The following MON2 variants were observed in gnomAD, a reference collection of about 807,000 sequenced individuals.
The protein encoded by MON2 is MON2 regulator of endosome-to-Golgi trafficking.
In MON2, 84 loss-of-function variants were observed where a neutral mutation model predicts 208.6. The ratio of observed to expected loss-of-function variants is 0.40; its 90% confidence interval spans 0.34 to 0.48. MON2 has a LOEUF of 0.48. MON2 is among the 20% of genes least tolerant of loss of function. The pLI is 0.59. For synonymous variants in MON2, 660 were observed against 694.0 expected (o/e 0.95, Z 0.77); for missense variants, 1,611 against 2,015.4 (o/e 0.80, Z 3.84).
chr12:62,546,967 A>G lies in MON2; in HGVS notation c.2648A>G (p.Lys883Arg), dbSNP rs775760874. Residue 883 changes from lysine to arginine, a missense_variant, in exon 22 of 35, where the codon AAG becomes AGG. Transcript: ENST00000393630. ...ATTAATCATCCAGATATTCGACTCA[A>G]GCAGTTAGAATGCGTGTTGCAGATT... is the stretch of plus-strand genomic sequence containing the variant. ...SNINHPDIRL[K>R]QLECVLQILQ... The G allele has an allele frequency of 7.4e-6, 12 of 1,613,278 alleles. No homozygotes were observed. Among genetic ancestry groups the G allele is most frequent in the Non-Finnish European group, 1.0e-5 (12 of 1,179,528 alleles).
chr12:62,481,493 G>T (rs918733359), intron 1 of MON2, among the ~76,000 whole-genome samples: 1 of 133,368 alleles, frequency 7.5e-6, no homozygotes, highest in Admixed American at 8.7e-5. Flanking sequence ...GCCAGCCTGG[G>T]CAACAGAGCG....
rs2073042457 is a variant in MON2, at chr12:62,537,697, A to C, written c.2109A>C (p.Ala703=). ...VLGTSWQLVL[A]TLQHLVWILG... is the part of the protein sequence containing the mutation. ...GAACATCATGGCAACTTGTCTTGGC[A>C]ACTCTTCAGGTATGTAAAAGTGTCT... Residue 703 remains alanine (A), a synonymous_variant, in exon 16 of 35, where the codon GCA becomes GCC. Transcript: ENST00000393630. The C allele has an allele frequency of 6.2e-7, 1 of 1,611,510 alleles. No individual in the cohort carries two copies. Among genetic ancestry groups the C allele is most frequent in the Middle Eastern group, 1.7e-4 (1 of 6,054 alleles).
At chr12:62,499,134 A>G (rs1199781284) in intron 5 of MON2, 86 bp downstream of exon 5, 4 of 1,363,672 alleles carry the variant, frequency 2.9e-6, no homozygotes, top group Non-Finnish European at 4.0e-6. Flanking sequence ...TCAGATGATC[A>G]ACATTATTAT....
chr12:62,592,137 T>A (rs1458200096), intron 34 of MON2, among the ~76,000 whole-genome samples: 2 of 152,206 alleles, frequency 1.3e-5, no homozygotes, highest in Non-Finnish European at 2.9e-5. Context: ...TTAAAAGGAA[T>A]ATCAAGGATA....
chr12:62,558,895 A>G lies in MON2; in HGVS notation c.3410-1596A>G, dbSNP rs566644057. On this transcript the variant is annotated intron_variant, in intron 25 of 34. Transcript: ENST00000393630. Reference sequence around the variant, plus strand: ...GTATTTTTAGTCGAGACAGGGTTTCATCATGTTGGCCAGGCTGGTCCCGAA... The same window carrying G: ...GTATTTTTAGTCGAGACAGGGTTTCGTCATGTTGGCCAGGCTGGTCCCGAA... Among the ~76,000 whole-genome samples the G allele has an allele frequency of 3.3e-5, 5 of 152,144 alleles. No homozygotes were observed. In the South Asian group the frequency reaches 1.0e-3, roughly 32 times the overall value.
intron 19 of MON2, among the ~76,000 whole-genome samples, chr12:62,542,119 AAT>A (rs908227339): frequency 5.9e-5 from 9 of 152,246 alleles, no homozygotes; most frequent in African/African-American, 2.2e-4. Flanking sequence ...TAGAATCATG[AAT>A]TTTCCTACCA....
chr12:62,570,722 C>CTTT lies in MON2; in HGVS notation c.4324-643_4324-641dup, dbSNP rs1192680038. Among the ~76,000 whole-genome samples the CTTT allele has an allele frequency of 1.7e-3, 117 of 70,860 alleles. 6 individuals are homozygous for CTTT. Among genetic ancestry groups the CTTT allele is most frequent in the Middle Eastern group, 0.016 (1 of 64 alleles). The allele number at this position is 70,860 out of a possible 152,430, so 46.5% of individuals were successfully genotyped here. A position where few individuals can be genotyped will look rare whatever the true frequency, so the allele number is the denominator to read the frequency against. On this transcript the variant is annotated intron_variant, in intron 29 of 34. Coordinates refer to ENST00000393630, the MANE Select transcript of MON2 (RefSeq NM_015026.3). ...ATAACTATGGCAGAATTTTCTTTTTCTTTTTTTTTTTTTTTTTTTTTTTTT... is the reference window on the plus strand; with the variant it reads ...ATAACTATGGCAGAATTTTCTTTTTCTTTTTTTTTTTTTTTTTTTTTTTTTTTT...
chr12:62,481,860 TAC>T (rs955671969), intron 1 of MON2, among the ~76,000 whole-genome samples: 4 of 152,158 alleles, frequency 2.6e-5, no homozygotes, highest in African/African-American at 7.2e-5. Context: ...TTGAGTGGTT[TAC>T]AGAGTTGGTA....
rs186608590 is a variant in MON2, at chr12:62,468,068, A to G, written c.111+750A>G. Among the ~76,000 whole-genome samples, 201 of 152,072 alleles carry G rather than the reference A, an allele frequency of 1.3e-3. 3 individuals carry two copies. Among genetic ancestry groups the G allele is most frequent in the Non-Finnish European group, 9.7e-4 (66 of 67,976 alleles). On this transcript the variant is annotated intron_variant, in intron 1 of 34. Transcript: ENST00000393630. ...AGATCCCAGTAAATAATACATGGAA[A>G]TTTAATTCTCCAAATAGTTCTTGAG...
intron 8 of MON2, among the ~76,000 whole-genome samples, chr12:62,512,513 C>T (rs2071458798): frequency 1.3e-5 from 2 of 152,146 alleles, no homozygotes; most frequent in Admixed American, 6.5e-5. Flanking sequence ...CAGATCACAC[C>T]GATGCAAGAG....
rs751461032 is a variant in MON2, at chr12:62,501,620, C to T, written c.711C>T (p.Gly237=). Residue 237 remains glycine, a synonymous_variant, in exon 7 of 35, where the codon GGC becomes GGT. Transcript: ENST00000393630. ...CTGATGCTCCTTATTGGCTAGTGGG[C>T]ATGACAGAAATGACTCGGACGTTTG... ...VNADAPYWLV[G]MTEMTRTFGL... 1 of 1,614,026 alleles carries T rather than the reference C, an allele frequency of 6.2e-7. No homozygotes were observed. The highest frequency in any genetic ancestry group is 8.5e-7 in the Non-Finnish European group (1 of 1,179,910).
chr12:62,497,778 A>G (rs1265303593), intron 4 of MON2, among the ~76,000 whole-genome samples: 3 of 152,006 alleles, frequency 2.0e-5, no homozygotes, highest in East Asian at 3.9e-4. Context: ...ACCACACCCA[A>G]CTAATTTTTG....
chr12:62,530,227 A>AT (rs144345618), intron 11 of MON2, among the ~76,000 whole-genome samples: 7,422 of 126,212 alleles, frequency 0.059, 384 homozygotes, highest in Non-Finnish European at 0.079. Context: ...CATCAGTATA[A>AT]TTTTTTTTTT....
chr12:62,507,447 G>C (rs2071164489), intron 7 of MON2, among the ~76,000 whole-genome samples: 1 of 151,640 alleles, frequency 6.6e-6, no homozygotes, highest in Admixed American at 6.6e-5. Flanking sequence ...CACCCAAGTA[G>C]CTGGGACCGC....
In MON2 at chr12:62,532,859, G is replaced by A. The variant is rs535837399; in HGVS notation, c.1633+189G>A. 2.6e-5 allele frequency among the ~76,000 whole-genome samples: 4 copies of A among 152,158 alleles called. No homozygotes were observed. In the South Asian group the frequency reaches 8.3e-4, roughly 32 times the overall value. ...TTCTGACCTATTTATAGAAAAAGTT[G>A]CAGACATGATGCCGTATTACTACCC... On this transcript the variant is annotated intron_variant, in intron 12 of 34. Coordinates refer to ENST00000393630, the MANE Select transcript of MON2 (RefSeq NM_015026.3).
At chr12:62,535,094 G>A (rs144688491) in intron 13 of MON2, among the ~76,000 whole-genome samples, 168 bp downstream of exon 13, 193 of 151,990 alleles carry the variant, frequency 1.3e-3, no homozygotes, top group African/African-American at 4.3e-3. Context: ...TCCTTGCCCT[G>A]CCCCAAGCCA....
At chr12:62,525,491 C>G (rs187481299) in intron 10 of MON2, among the ~76,000 whole-genome samples, 7 of 152,224 alleles carry the variant, frequency 4.6e-5, no homozygotes, top group East Asian at 1.9e-4. Context: ...TTTAAAAGAA[C>G]CTTTATTTGA....
intron 1 of MON2, among the ~76,000 whole-genome samples, chr12:62,468,632 T>C (rs1292442361): frequency 6.6e-6 from 1 of 152,224 alleles, no homozygotes; most frequent in Non-Finnish European, 1.5e-5. Flanking sequence ...TTTGGAAAGA[T>C]GGCTGTTACG....
Position 62,523,376 on chromosome 12 carries a change from C to T in MON2, c.985-1139C>T, listed in dbSNP as rs145742844. Among the ~76,000 whole-genome samples the T allele has an allele frequency of 1.3e-4, 20 of 152,244 alleles. No homozygotes were observed. In the East Asian group the frequency reaches 1.4e-3, roughly 10 times the overall value. On this transcript the variant is annotated intron_variant, in intron 8 of 34. Transcript: ENST00000393630. ...AGAAAGGCAACCATGCTTGTCCTTA[C>T]GCACAAGGTTGCTGGATAAAGAAGT...
Sources: allele counts gnomAD v4.1 joint callset (sites outside exome capture counted in the v4.1 genomes callset), GRCh38; gene constraint gnomAD v4.1.1; transcripts MANE v1.5; gene names NCBI Gene and HGNC (gene_info 2026-07-23, HGNC 2026-07-21).